The following CNTN5 variants were observed in gnomAD, a reference collection of about 807,000 sequenced individuals.
The protein encoded by CNTN5 is contactin 5.
In CNTN5, 77 loss-of-function variants were observed where a neutral mutation model predicts 129.1. The observed-to-expected ratio is 0.60, with a 90% CI of 0.50 to 0.72. The LOEUF (loss-of-function observed/expected upper bound fraction) is 0.72, where lower values mean the gene tolerates loss of function less well. Among genes scored for constraint, CNTN5 ranks in the 30% least tolerant of loss-of-function variants. CNTN5 has a pLI of 0.00. For missense variants in CNTN5, 1,478 were observed against 1,328.8 expected (o/e 1.11, Z -1.75); for synonymous variants, 509 against 465.6 (o/e 1.09, Z -1.20).
At chr11:100,232,446 T>C (rs905532850) in intron 16 of CNTN5, among the ~76,000 whole-genome samples, 2 of 152,160 alleles carry the variant, frequency 1.3e-5, no homozygotes, top group African/African-American at 4.8e-5. Context: ...AATGATGGCC[T>C]TGGCAAGGGC....
At position 99,326,924 on chromosome 11, in the gene CNTN5, G is replaced by T. The variant is rs574543543; in HGVS notation, c.-71+1440G>T. 1.8e-4 allele frequency among the ~76,000 whole-genome samples: 28 copies of T among 152,154 alleles called. No individual in the cohort carries two copies. The South Asian group carries it at 5.0e-3, about 27-fold the overall frequency. Reference sequence around the variant, plus strand: ...TACAATAAGAATGATTTAAGAATAGGTTACATACACAAAATAATAATAATA... The same window carrying T: ...TACAATAAGAATGATTTAAGAATAGTTTACATACACAAAATAATAATAATA... On this transcript the variant is annotated intron_variant, in intron 2 of 24. Coordinates refer to ENST00000524871, the MANE Select transcript of CNTN5 (RefSeq NM_014361.4).
chr11:99,879,567 C>T (rs75087865), intron 6 of CNTN5, among the ~76,000 whole-genome samples: 2,095 of 152,174 alleles, frequency 0.014, 53 homozygotes, highest in African/African-American at 0.047. Context: ...CTACATCATA[C>T]CTAGTGCGAA....
intron 18 of CNTN5, among the ~76,000 whole-genome samples, chr11:100,291,409 C>T: frequency 6.8e-6 from 1 of 146,716 alleles, no homozygotes; most frequent in African/African-American, 2.5e-5. Flanking sequence ...ACATATACAC[C>T]ATGGAATACT....
At chr11:99,358,419 G>T (rs1938865568) in intron 2 of CNTN5, among the ~76,000 whole-genome samples, 1 of 151,186 alleles carries the variant, frequency 6.6e-6, no homozygotes, top group Admixed American at 6.6e-5. Context: ...AAATTAGCCA[G>T]GCGTGGTGAT....
chr11:99,170,545 G>A (rs192747040), intron 1 of CNTN5, among the ~76,000 whole-genome samples: 6 of 152,198 alleles, frequency 3.9e-5, no homozygotes, highest in Non-Finnish European at 7.4e-5. Context: ...TGGAATCAAC[G>A]GATTCCCAAT....
intron 7 of CNTN5, among the ~76,000 whole-genome samples, chr11:99,945,120 T>C (rs1209617888): frequency 6.6e-6 from 1 of 152,106 alleles, no homozygotes; most frequent in African/African-American, 2.4e-5. Context: ...AACCAGACTA[T>C]CATAGATTTT....
At chr11:99,582,125 C>A (rs180819428) in intron 3 of CNTN5, among the ~76,000 whole-genome samples, 3 of 152,190 alleles carry the variant, frequency 2.0e-5, no homozygotes, top group Non-Finnish European at 2.9e-5. Flanking sequence ...GTTGAAAATT[C>A]TTTTCTTTAA....
intron 3 of CNTN5, among the ~76,000 whole-genome samples, chr11:99,763,313 G>C (rs1017094799): frequency 6.6e-6 from 1 of 152,000 alleles, no homozygotes; most frequent in African/African-American, 2.4e-5. Flanking sequence ...ACACCCAAGA[G>C]GGGAAAACAG....
chr11:99,579,246 T>C lies in CNTN5; in HGVS notation c.55+22977T>C, dbSNP rs186656678. Among the ~76,000 whole-genome samples, 744 of 152,056 alleles carry C rather than the reference T, an allele frequency of 4.9e-3. 29 individuals are homozygous for C. Among genetic ancestry groups the C allele is most frequent in the Admixed American group, 0.044 (673 of 15,278 alleles). On this transcript the variant is annotated intron_variant, in intron 3 of 24. Coordinates refer to ENST00000524871, the MANE Select transcript of CNTN5 (RefSeq NM_014361.4). ...TGGTTACTGTAGCCTTGTAGTATAG[T>C]TTGAAGTCAGGTAGCGTGATGCCTC...
intron 10 of CNTN5, among the ~76,000 whole-genome samples, chr11:100,063,301 A>T (rs1943556674): frequency 6.6e-6 from 1 of 151,994 alleles, no homozygotes; most frequent in Non-Finnish European, 1.5e-5. Flanking sequence ...CTACTTAAAC[A>T]ATCTGGGGTG....
intron 18 of CNTN5, among the ~76,000 whole-genome samples, chr11:100,272,752 A>G (rs1591460624): frequency 1.3e-5 from 2 of 152,228 alleles, no homozygotes; most frequent in South Asian, 2.1e-4. Context: ...CTGGCCCCCA[A>G]CAGCTCTGGG....
At chr11:99,377,755 C>T (rs1940273422) in intron 2 of CNTN5, among the ~76,000 whole-genome samples, 1 of 150,106 alleles carries the variant, frequency 6.7e-6, no homozygotes, top group Admixed American at 6.7e-5. Flanking sequence ...CTGAAAGGCA[C>T]TGTGAGAGCA....
chr11:99,936,174 T>A (rs1056301680), intron 7 of CNTN5, among the ~76,000 whole-genome samples: 1 of 152,124 alleles, frequency 6.6e-6, no homozygotes, highest in Admixed American at 6.5e-5. Flanking sequence ...GCTGAAAACA[T>A]TTGCAGGGGT....
chr11:99,217,260 C>G (rs898778), intron 1 of CNTN5, among the ~76,000 whole-genome samples: 116,199 of 152,082 alleles, frequency 0.76, 44,724 homozygotes, highest in East Asian at 0.99. Flanking sequence ...AGTAAAATAT[C>G]GGCAAAAGAT....
chr11:99,623,407 C>T (rs971674631), intron 3 of CNTN5, among the ~76,000 whole-genome samples: 1 of 152,112 alleles, frequency 6.6e-6, no homozygotes, highest in South Asian at 2.1e-4. Context: ...TCAGCCACTT[C>T]ATCCCCAGTA....
intron 16 of CNTN5, among the ~76,000 whole-genome samples, chr11:100,236,921 G>A (rs918051620): frequency 2.0e-5 from 3 of 152,110 alleles, no homozygotes; most frequent in African/African-American, 7.2e-5. Context: ...TGGGCGCGGT[G>A]GCTCACGCCT....
chr11:99,766,180 T>C (rs1944748298), intron 3 of CNTN5, among the ~76,000 whole-genome samples: 2 of 152,076 alleles, frequency 1.3e-5, no homozygotes, highest in African/African-American at 4.8e-5. Context: ...TGATAAACGT[T>C]TATTTAAACT....
chr11:99,867,446 C>T (rs186400894), intron 6 of CNTN5, among the ~76,000 whole-genome samples: 149 of 152,256 alleles, frequency 9.8e-4, no homozygotes, highest in Non-Finnish European at 1.6e-3. Context: ...CATTCCAATA[C>T]GGGTCTTGCA....
chr11:99,611,243 C>T (rs1950584321), intron 3 of CNTN5, among the ~76,000 whole-genome samples: 1 of 152,138 alleles, frequency 6.6e-6, no homozygotes, highest in African/African-American at 2.4e-5. Flanking sequence ...ATAATAACTA[C>T]ATCAAAAGAA....
Sources: gnomAD v4.1 joint callset for allele counts (sites outside exome capture counted in the v4.1 genomes callset) on GRCh38, gnomAD v4.1.1 for gene constraint, MANE v1.5 for transcripts, NCBI Gene and HGNC (gene_info 2026-07-23, HGNC 2026-07-21) for gene names.